Variants in RANBP1 observed in about 807,000 individuals in gnomAD.
The protein encoded by RANBP1 is RAN binding protein 1, also known as ran-specific GTPase-activating protein.
RANBP1 carries 16 observed loss-of-function variants against 31.4 expected under a neutral mutation model. The observed-to-expected ratio is 0.51, with a 90% CI of 0.34 to 0.77. The LOEUF (loss-of-function observed/expected upper bound fraction) is 0.77. RANBP1 is among the 30% of genes least tolerant of loss of function. The pLI is 0.01. For missense variants in RANBP1, 265 were observed against 362.0 expected (o/e 0.73, Z 2.17); for synonymous variants, 129 against 140.5 (o/e 0.92, Z 0.58).
chr22:20,118,219 G>C (rs997092696), intron 1 of RANBP1: 8 of 1,002,384 alleles, frequency 8.0e-6, no homozygotes, highest in African/African-American at 1.7e-5. Flanking sequence ...GTGCTGTGGG[G>C]AACAGTGAAG....
At chr22:20,117,571 G>T in intron 1 of RANBP1, 1 of 1,410,948 alleles carries the variant, frequency 7.1e-7, no homozygotes, top group Non-Finnish European at 9.2e-7. Context: ...GCGGAGGGAA[G>T]GAGCTACGAG....
intron 1 of RANBP1, chr22:20,117,936 C>T: frequency 9.9e-7 from 1 of 1,010,704 alleles, no homozygotes; most frequent in Non-Finnish European, 1.2e-6. Flanking sequence ...CGGCCGTCGC[C>T]ACGCGGGACG....
Position 20,127,162 on chromosome 22 carries a change from T to C in RANBP1, c.*110T>C, listed in dbSNP as rs912675141. The C allele has an allele frequency of 3.3e-6, 3 of 916,048 alleles. No homozygotes were observed. The highest frequency in any genetic ancestry group is 4.8e-6 in the Non-Finnish European group (3 of 629,772). The allele number at this position is 916,048 out of a possible 1,614,324, so 56.7% of individuals were successfully genotyped here. A position where few individuals can be genotyped will look rare whatever the true frequency, so the allele number is the denominator to read the frequency against. ...TATTCTTTCATTTTTACAAGGGACG[T>C]TATATAAAGAACTGAACTCAACATT... On this transcript the variant is annotated 3_prime_UTR_variant, in exon 6 of 6. Transcript: ENST00000430524.
At chr22:20,117,153 G>T (rs1811856108) in intron 1 of RANBP1, 3 of 556,264 alleles carry the variant, frequency 5.4e-6, no homozygotes, top group Non-Finnish European at 9.0e-6. Context: ...CCCGCCAGGG[G>T]CCCGCGCCGG....
At chr22:20,123,204 G>A (rs1290391239) in intron 3 of RANBP1, among the ~76,000 whole-genome samples, 1 of 139,746 alleles carries the variant, frequency 7.2e-6, no homozygotes. Context: ...TGGTGTCTGG[G>A]GAGGTGTACA....
chr22:20,117,077 A>C (rs1224488174), intron 1 of RANBP1: 3 of 871,948 alleles, frequency 3.4e-6, no homozygotes, highest in Non-Finnish European at 5.3e-6. Context: ...GCTTCGCCCC[A>C]GGCGGGGCGG....
chr22:20,118,993 A>G lies in RANBP1; in HGVS notation c.247-20A>G. 3 of 1,609,586 alleles carry G rather than the reference A, an allele frequency of 1.9e-6. No individual in the cohort carries two copies. Among genetic ancestry groups the G allele is most frequent in the Non-Finnish European group, 2.5e-6 (3 of 1,179,000 alleles). ...GCCAGATCCATAGGCCAGCAGTGTA[A>G]CCTCTTTGTATCTCCACAGGACACT... On this transcript the variant is annotated intron_variant, in intron 1 of 5. Transcript: ENST00000430524.
chr22:20,126,647 GTC>G (rs759303182), intron 5 of RANBP1: 24 of 1,514,842 alleles, frequency 1.6e-5, no homozygotes, highest in Admixed American at 1.0e-4. Flanking sequence ...TCCTCGGTTT[GTC>G]TCTCAGAGGG....
At chr22:20,126,895 C>A in intron 5 of RANBP1, 57 bp from the exon 6 acceptor site, 1 of 1,578,744 alleles carries the variant, frequency 6.3e-7, no homozygotes, top group Non-Finnish European at 8.7e-7. Context: ...CTGGCGAGGG[C>A]CATGTGCTTG....
chr22:20,122,487 C>A, intron 3 of RANBP1, 66 bp downstream of exon 3: 3 of 1,608,950 alleles, frequency 1.9e-6, no homozygotes, highest in Non-Finnish European at 1.7e-6. Context: ...TGGGAAGATT[C>A]AGGGCTGATT....
chr22:20,120,803 C>A (rs1457075694), intron 2 of RANBP1, among the ~76,000 whole-genome samples: 1 of 152,174 alleles, frequency 6.6e-6, no homozygotes, highest in Non-Finnish European at 1.5e-5. Flanking sequence ...TGAGCCACCG[C>A]GTCCGGTCAT....
Position 20,116,135 on chromosome 22 carries a change from C to T in RANBP1, c.-50C>T. ...CATAGAGGGGTCACCACGTCGGCCA[C>T]TCGTGTTACTGGTGGCTCACTCTCA... On this transcript the variant is annotated 5_prime_UTR_variant, in exon 1 of 6. Transcript: ENST00000430524. 1.2e-6 allele frequency: 2 copies of T among 1,612,904 alleles called. No homozygotes were observed. Among genetic ancestry groups the T allele is most frequent in the Non-Finnish European group, 1.7e-6 (2 of 1,179,692 alleles).
intron 3 of RANBP1, 34 bp downstream of exon 3, chr22:20,122,455 C>G: frequency 6.2e-7 from 1 of 1,611,414 alleles, no homozygotes; most frequent in Non-Finnish European, 8.5e-7. Context: ...CGACAGTCCC[C>G]AGCAGCTTGG....
At chr22:20,123,636 G>GA in intron 3 of RANBP1, among the ~76,000 whole-genome samples, 1 of 152,006 alleles carries the variant, frequency 6.6e-6, no homozygotes, top group Non-Finnish European at 1.5e-5. Context: ...ACGGGGCTGA[G>GA]AAGGTGGCCA....
At chr22:20,122,768 C>A in intron 3 of RANBP1, 1 of 89,946 alleles carries the variant, frequency 1.1e-5, no homozygotes, top group Non-Finnish European at 1.3e-5. Flanking sequence ...TGTGTGGTGT[C>A]TGGGGGGTGG....
At chr22:20,118,224 G>C in intron 1 of RANBP1, 3 of 1,002,542 alleles carry the variant, frequency 3.0e-6, no homozygotes, top group Non-Finnish European at 3.6e-6. Context: ...GTGGGGAACA[G>C]TGAAGAGCAG....
chr22:20,119,388 T>C (rs1173328762), intron 2 of RANBP1: 1 of 488,358 alleles, frequency 2.0e-6, no homozygotes, highest in African/African-American at 1.9e-5. Context: ...CTCTGTCCAC[T>C]GGCATGGCGG....
intron 4 of RANBP1, 132 bp downstream of exon 4, chr22:20,125,568 G>T (rs2050278193): frequency 6.5e-7 from 1 of 1,531,724 alleles, no homozygotes. Flanking sequence ...CGTGTGGGCT[G>T]CCCTGCCCTG....
intron 1 of RANBP1, chr22:20,117,533 G>C: frequency 1.5e-6 from 2 of 1,360,802 alleles, no homozygotes; most frequent in Non-Finnish European, 9.5e-7. Context: ...AGGGAAGAGC[G>C]GGCGGGCGGG....
Sources: gnomAD v4.1 joint callset for allele counts (sites outside exome capture counted in the v4.1 genomes callset) on GRCh38, gnomAD v4.1.1 for gene constraint, MANE v1.5 for transcripts, NCBI Gene and HGNC (gene_info 2026-07-23, HGNC 2026-07-21) for gene names.